PLXDC2: variants seen among roughly 807,000 people sequenced by gnomAD.
The protein encoded by PLXDC2 is plexin domain-containing protein 2.
PLXDC2 carries 40 observed loss-of-function variants against 68.9 expected under a neutral mutation model. That is an observed-to-expected ratio of 0.58 (90% confidence interval 0.45 to 0.76). The LOEUF is 0.76. PLXDC2 is among the 30% of genes least tolerant of loss of function. The probability of loss-of-function intolerance (pLI) is 0.00; values close to 1 mark genes in which losing one functional copy is unlikely to be tolerated. For missense variants in PLXDC2, 644 were observed against 661.9 expected (o/e 0.97, Z 0.30); for synonymous variants, 243 against 234.2 (o/e 1.04, Z -0.34).
chr10:19,953,965 G>T (rs1025711030), intron 1 of PLXDC2, among the ~76,000 whole-genome samples: 1 of 152,134 alleles, frequency 6.6e-6, no homozygotes, highest in Admixed American at 6.6e-5. Flanking sequence ...TGTGGGCGGG[G>T]TGATAAAATC....
At chr10:19,924,218 C>A (rs1833504351) in intron 1 of PLXDC2, among the ~76,000 whole-genome samples, 1 of 152,134 alleles carries the variant, frequency 6.6e-6, no homozygotes, top group Non-Finnish European at 1.5e-5. Context: ...ACCTGTTTGG[C>A]CATTGAGTTG....
At chr10:20,106,897 A>G (rs898391330) in intron 4 of PLXDC2, among the ~76,000 whole-genome samples, 3 of 151,590 alleles carry the variant, frequency 2.0e-5, no homozygotes, top group Non-Finnish European at 4.4e-5. Flanking sequence ...GTGGATGCAT[A>G]TTACATGTAG....
chr10:19,945,881 A>C (rs956675949), intron 1 of PLXDC2, among the ~76,000 whole-genome samples: 6 of 152,202 alleles, frequency 3.9e-5, no homozygotes, highest in Non-Finnish European at 7.3e-5. Context: ...GTTCTCTGTT[A>C]AGTTGAAAAA....
At chr10:19,842,159 T>G (rs550212523) in intron 1 of PLXDC2, among the ~76,000 whole-genome samples, 4 of 152,114 alleles carry the variant, frequency 2.6e-5, no homozygotes, top group Non-Finnish European at 5.9e-5. Flanking sequence ...ATGCCTGTGA[T>G]CTCAGCTACT....
chr10:19,972,701 A>G (rs999671990), intron 1 of PLXDC2, among the ~76,000 whole-genome samples: 3 of 152,196 alleles, frequency 2.0e-5, no homozygotes, highest in Non-Finnish European at 2.9e-5. Flanking sequence ...GATTAAGGAG[A>G]GAATGGATAC....
chr10:19,910,304 T>A (rs1238092146), intron 1 of PLXDC2, among the ~76,000 whole-genome samples: 1 of 151,890 alleles, frequency 6.6e-6, no homozygotes, highest in Non-Finnish European at 1.5e-5. Context: ...ATAATGATAA[T>A]CAGAAGAACA....
chr10:20,158,869 T>C (rs1447046227), intron 6 of PLXDC2, among the ~76,000 whole-genome samples: 1 of 152,184 alleles, frequency 6.6e-6, no homozygotes, highest in African/African-American at 2.4e-5. Flanking sequence ...CACCTTTTCC[T>C]CATTAATCTT....
chr10:19,912,035 C>T (rs1249414502), intron 1 of PLXDC2, among the ~76,000 whole-genome samples: 5 of 152,066 alleles, frequency 3.3e-5, no homozygotes, highest in African/African-American at 9.7e-5. Context: ...CATTTTCTTT[C>T]GACTTAGTTT....
chr10:20,225,816 T>A (rs1835278794), intron 12 of PLXDC2, among the ~76,000 whole-genome samples: 2 of 152,078 alleles, frequency 1.3e-5, no homozygotes. Context: ...AGCACCAATT[T>A]TTTTTTAATT....
At chr10:20,110,821 C>G (rs754664006) in intron 4 of PLXDC2, among the ~76,000 whole-genome samples, 2 of 152,160 alleles carry the variant, frequency 1.3e-5, no homozygotes, top group Non-Finnish European at 2.9e-5. Flanking sequence ...ATCTTTGTTT[C>G]GTTTTGTTTT....
chr10:20,010,214 ACT>A lies in PLXDC2; in HGVS notation c.324+8231_324+8232del, dbSNP rs1350807857. 1.2e-4 allele frequency among the ~76,000 whole-genome samples: 18 copies of A among 151,806 alleles called. 1 individual carries two copies. The highest frequency in any genetic ancestry group is 3.9e-4 in the Admixed American group (6 of 15,254). On this transcript the variant is annotated intron_variant, in intron 2 of 13. Coordinates refer to ENST00000377252, the MANE Select transcript of PLXDC2 (RefSeq NM_032812.9). ...GTTGAGAATCGGCCTTGTTTCTTCC[ACT>A]CTGTGTTGCCAAAGGTTGTGTTAAC...
chr10:20,251,266 T>C (rs1835671677), intron 13 of PLXDC2, among the ~76,000 whole-genome samples: 1 of 152,204 alleles, frequency 6.6e-6, no homozygotes, highest in Non-Finnish European at 1.5e-5. Context: ...ACAGTAATTT[T>C]CTAAAGGTTG....
intron 4 of PLXDC2, among the ~76,000 whole-genome samples, chr10:20,114,819 A>G (rs867413246): frequency 6.6e-6 from 1 of 152,230 alleles, no homozygotes; most frequent in Non-Finnish European, 1.5e-5. Context: ...GTAAAGTTGA[A>G]GAGCCAGGCA....
At chr10:19,962,832 A>C (rs569398784) in intron 1 of PLXDC2, among the ~76,000 whole-genome samples, 1 of 150,384 alleles carries the variant, frequency 6.6e-6, no homozygotes, top group East Asian at 2.0e-4. Context: ...TAAAAATACA[A>C]AAACAAAATT....
intron 4 of PLXDC2, among the ~76,000 whole-genome samples, chr10:20,131,165 A>AAT (rs1554768467): frequency 7.5e-4 from 58 of 77,046 alleles, no homozygotes; most frequent in Middle Eastern, 0.014. Flanking sequence ...TTTACTTGTT[A>AAT]TTTTTTTTTT....
chr10:19,924,242 A>G (rs996775323), intron 1 of PLXDC2, among the ~76,000 whole-genome samples: 1 of 151,378 alleles, frequency 6.6e-6, no homozygotes, highest in Non-Finnish European at 1.5e-5. Flanking sequence ...CCCATCTCTC[A>G]CTCTCTTCCT....
At chr10:19,882,695 T>A (rs1481501030) in intron 1 of PLXDC2, among the ~76,000 whole-genome samples, 1 of 152,200 alleles carries the variant, frequency 6.6e-6, no homozygotes, top group African/African-American at 2.4e-5. Flanking sequence ...TCTGAACGAA[T>A]AGATGAGATG....
intron 1 of PLXDC2, among the ~76,000 whole-genome samples, chr10:19,918,102 T>C (rs1833400683): frequency 6.6e-6 from 1 of 152,234 alleles, no homozygotes; most frequent in South Asian, 2.1e-4. Flanking sequence ...GGATAATTTG[T>C]GTATGGTAGC....
At chr10:19,959,481 C>G (rs1271084182) in intron 1 of PLXDC2, among the ~76,000 whole-genome samples, 1 of 152,144 alleles carries the variant, frequency 6.6e-6, no homozygotes, top group Non-Finnish European at 1.5e-5. Context: ...TGGTGCCTTT[C>G]TTAGCAAGGA....
Sources: gnomAD v4.1 joint callset for allele counts (sites outside exome capture counted in the v4.1 genomes callset) on GRCh38, gnomAD v4.1.1 for gene constraint, MANE v1.5 for transcripts, NCBI Gene and HGNC (gene_info 2026-07-23, HGNC 2026-07-21) for gene names.